The following AAGAB variants were observed in gnomAD, a reference collection of about 807,000 sequenced individuals.
The protein encoded by AAGAB is alpha- and gamma-adaptin-binding protein p34.
In AAGAB, 38 loss-of-function variants were observed where a neutral mutation model predicts 44.1. The observed-to-expected ratio is 0.86, with a 90% CI of 0.67 to 1.13. AAGAB has a LOEUF of 1.13. AAGAB is among the 50% of genes most tolerant of loss of function. AAGAB has a pLI of 0.00. For synonymous variants in AAGAB, 131 were observed against 131.8 expected, an observed-to-expected ratio of 0.99 and a Z score of 0.04; for missense variants, 450 against 373.8, an observed-to-expected ratio of 1.20 and a Z score of -1.68.
intron 1 of AAGAB, 79 bp from the exon 2 acceptor site, chr15:67,236,899 TAAAG>T: frequency 2.2e-5 from 25 of 1,155,486 alleles, no homozygotes; most frequent in Non-Finnish European, 2.9e-5. Flanking sequence ...AGATACCAGA[TAAAG>T]CTGGTACTTT....
intron 1 of AAGAB, among the ~76,000 whole-genome samples, chr15:67,239,677 T>C (rs62014644): frequency 8.8e-4 from 134 of 152,332 alleles, no homozygotes; most frequent in Non-Finnish European, 9.3e-4. Context: ...ATCTGTGCCA[T>C]ATTAGAGCTA....
chr15:67,223,005 T>C (rs1357831941), intron 5 of AAGAB, among the ~76,000 whole-genome samples: 2 of 152,218 alleles, frequency 1.3e-5, no homozygotes, highest in African/African-American at 2.4e-5. Flanking sequence ...TTGGCATAGC[T>C]GACCACTCCT....
rs750458790 is a variant in AAGAB, at chr15:67,204,199, ACACT to A, written c.716-55_716-52del. 7 of 1,277,520 alleles carry A rather than the reference ACACT, an allele frequency of 5.5e-6. No individual in the cohort carries two copies. In the East Asian group the frequency reaches 1.6e-4, roughly 30 times the overall value. 79.1% of individuals were successfully genotyped at this position (1,277,520 alleles called of 1,614,324 possible). A position where few individuals can be genotyped will look rare whatever the true frequency, so the allele number is the denominator to read the frequency against. On this transcript the variant is annotated intron_variant, in intron 7 of 9. Coordinates refer to ENST00000261880, the MANE Select transcript of AAGAB (RefSeq NM_024666.5). ...CTGTCACGTTATTTGCATATGTGCTACACTCAGAGAATCCTAAGGCAAATGCTAA... is the reference window on the plus strand; with the variant it reads ...CTGTCACGTTATTTGCATATGTGCTACAGAGAATCCTAAGGCAAATGCTAA...
chr15:67,206,594 ATTAT>A (rs1326314690), intron 7 of AAGAB, among the ~76,000 whole-genome samples: 1 of 152,006 alleles, frequency 6.6e-6, no homozygotes, highest in Non-Finnish European at 1.5e-5. Flanking sequence ...TGTTTATTCA[ATTAT>A]TTATTTATAT....
chr15:67,231,911 G>T lies in AAGAB; in HGVS notation c.452-14C>A, dbSNP rs370777101. 1 of 1,581,224 alleles carries T rather than the reference G, an allele frequency of 6.3e-7. No homozygotes were observed. Among genetic ancestry groups the T allele is most frequent in the African/African-American group, 1.3e-5 (1 of 74,082 alleles). ...CTGGGAAGTCATCTAATCAGGGAGG[G>T]GAAATATATATATTTATATGCAACA... is the stretch of plus-strand genomic sequence containing the variant. On this transcript the variant is annotated splice_polypyrimidine_tract_variant and intron_variant, in intron 4 of 9. Transcript: ENST00000261880.
intron 4 of AAGAB, chr15:67,232,297 C>A: frequency 5.8e-6 from 1 of 173,324 alleles, no homozygotes; most frequent in Non-Finnish European, 1.2e-5. Context: ...GCCATATTTT[C>A]AAATGACTGT....
intron 1 of AAGAB, among the ~76,000 whole-genome samples, chr15:67,251,184 A>G (rs1369521355): frequency 6.6e-6 from 1 of 152,144 alleles, no homozygotes; most frequent in Non-Finnish European, 1.5e-5. Flanking sequence ...CTTTATGCAT[A>G]GTAGAGGCCT....
At chr15:67,251,068 G>A (rs1282238975) in intron 1 of AAGAB, among the ~76,000 whole-genome samples, 4 of 151,998 alleles carry the variant, frequency 2.6e-5, no homozygotes, top group East Asian at 3.9e-4. Context: ...AATCTACCCC[G>A]TCAGTAATGC....
chr15:67,212,005 G>A (rs1962659), intron 5 of AAGAB, among the ~76,000 whole-genome samples: 2,143 of 151,966 alleles, frequency 0.014, 52 homozygotes, highest in African/African-American at 0.045. Context: ...TCAGCCTCCC[G>A]AGTAGCCGGG....
Position 67,202,076 on chromosome 15 carries a change from T to C in AAGAB, c.*745A>G, listed in dbSNP as rs1427949475. 1 of 152,384 alleles carries C rather than the reference T, an allele frequency of 6.6e-6. No homozygotes were observed. The highest frequency in any genetic ancestry group is 2.4e-5 in the African/African-American group (1 of 41,460). 9.4% of individuals were successfully genotyped at this position (152,384 alleles called of 1,614,324 possible). A position where few individuals can be genotyped will look rare whatever the true frequency, so the allele number is the denominator to read the frequency against. ...AAAATCACGGTATGTTATCACATAC[T>C]GTCTCCATGGCCCATACAAGGACTC... On this transcript the variant is annotated 3_prime_UTR_variant, in exon 10 of 10. Transcript: ENST00000261880.
chr15:67,227,670 A>G (rs1419678027), intron 5 of AAGAB, among the ~76,000 whole-genome samples: 1 of 152,216 alleles, frequency 6.6e-6, no homozygotes, highest in African/African-American at 2.4e-5. Flanking sequence ...CAGACGGATC[A>G]CCAGCAAAGC....
intron 5 of AAGAB, among the ~76,000 whole-genome samples, chr15:67,218,958 G>A (rs1022048994): frequency 2.6e-5 from 4 of 152,118 alleles, no homozygotes; most frequent in Admixed American, 1.3e-4. Flanking sequence ...TCTAAAAAGC[G>A]CCACCCAAAT....
intron 7 of AAGAB, among the ~76,000 whole-genome samples, chr15:67,205,577 G>A (rs927067835): frequency 3.3e-5 from 5 of 152,160 alleles, no homozygotes; most frequent in African/African-American, 9.7e-5. Flanking sequence ...AAAACCAGGC[G>A]ACACCGTGTT....
chr15:67,231,965 A>G (rs1964347762), intron 4 of AAGAB, 68 bp from the exon 5 acceptor site: 2 of 1,391,660 alleles, frequency 1.4e-6, no homozygotes, highest in Middle Eastern at 1.8e-4. Context: ...TACATTCACA[A>G]AAATGTGGCC....
intron 1 of AAGAB, among the ~76,000 whole-genome samples, chr15:67,252,032 T>G (rs1964884325): frequency 6.6e-6 from 1 of 152,214 alleles, no homozygotes; most frequent in South Asian, 2.1e-4. Flanking sequence ...AATGGAAAGG[T>G]CATCTGATCT....
At chr15:67,239,373 C>T (rs1159394092) in intron 1 of AAGAB, among the ~76,000 whole-genome samples, 1 of 152,150 alleles carries the variant, frequency 6.6e-6, no homozygotes, top group African/African-American at 2.4e-5. Flanking sequence ...ACTCAGAGTG[C>T]TTACAATTTC....
chr15:67,222,404 A>T (rs1468013253), intron 5 of AAGAB, among the ~76,000 whole-genome samples: 1 of 151,928 alleles, frequency 6.6e-6, no homozygotes, highest in African/African-American at 2.4e-5. Context: ...TCTCTCCCCT[A>T]AATGACTGTT....
At position 67,235,995 on chromosome 15, in the gene AAGAB, C is replaced by G; in HGVS notation, c.435G>C (p.Glu145Asp). ...AACACTTACCATCCTCCTCAGGCAACTCCTCTGGACTAAGTTCTACCAATT... is the reference window on the plus strand; with the variant it reads ...AACACTTACCATCCTCCTCAGGCAAGTCCTCTGGACTAAGTTCTACCAATT... ...GFELVELSPE[E>D]LPEEDDDFPE... The change falls in exon 4 of 10, where the codon GAG (glutamate) becomes GAC (aspartate). Residue 145 changes from glutamate to aspartate, a missense_variant. Transcript: ENST00000261880. 1 of 1,611,796 alleles carries G rather than the reference C, an allele frequency of 6.2e-7. No homozygotes were observed. Among genetic ancestry groups the G allele is most frequent in the Non-Finnish European group, 8.5e-7 (1 of 1,178,674 alleles).
rs759409702 is a variant in AAGAB, at chr15:67,202,871, C to T, written c.898G>A (p.Gly300Arg). 31 of 1,613,924 alleles carry T rather than the reference C, an allele frequency of 1.9e-5. No individual in the cohort carries two copies. Among genetic ancestry groups the T allele is most frequent in the African/African-American group, 1.1e-4 (8 of 74,900 alleles). Residue 300 changes from glycine to arginine, a missense_variant, in exon 10 of 10, where the codon GGG becomes AGG. Transcript: ENST00000261880. ...CCTTCAATTTCATCTCTGTCTCCCC[C>T]GATTGCCATCCAGAATGCTTTGGCC... ...KVAKAFWMAI[G>R]GDRDEIEGLS...
Sources: gnomAD v4.1 joint callset for allele counts (sites outside exome capture counted in the v4.1 genomes callset) on GRCh38, gnomAD v4.1.1 for gene constraint, MANE v1.5 for transcripts, NCBI Gene and HGNC (gene_info 2026-07-23, HGNC 2026-07-21) for gene names.